Variants in CECR2 observed in about 807,000 individuals in gnomAD.
CECR2 encodes the protein chromatin remodeling regulator CECR2.
Under a neutral mutation model 154.5 loss-of-function variants are expected in CECR2, and 30 were observed. That is an observed-to-expected ratio of 0.19 (90% confidence interval 0.15 to 0.26). CECR2 has a LOEUF of 0.26. CECR2 is among the 10% of genes least tolerant of loss of function. The pLI is 1.00. For missense variants in CECR2, 1,743 were observed against 1,829.3 expected, an observed-to-expected ratio of 0.95 and a Z score of 0.86; for synonymous variants, 725 against 683.7, an observed-to-expected ratio of 1.06 and a Z score of -0.94.
intron 1 of CECR2, among the ~76,000 whole-genome samples, chr22:17,424,106 A>G (rs1316530689): frequency 6.6e-6 from 1 of 152,130 alleles, no homozygotes; most frequent in Non-Finnish European, 1.5e-5. Flanking sequence ...AGAATATGCT[A>G]AGGAATTAAA....
intron 1 of CECR2, among the ~76,000 whole-genome samples, chr22:17,360,911 C>G (rs892404987): frequency 6.6e-6 from 1 of 152,010 alleles, no homozygotes; most frequent in African/African-American, 2.4e-5. Context: ...GCCTATAATC[C>G]CAGCACTTTG....
At chr22:17,450,478 C>T (rs1440872128) in intron 1 of CECR2, among the ~76,000 whole-genome samples, 3 of 152,112 alleles carry the variant, frequency 2.0e-5, no homozygotes, top group Non-Finnish European at 4.4e-5. Context: ...GCTATATTGG[C>T]CAGGCTGGTT....
At chr22:17,422,027 C>T (rs999855515) in intron 1 of CECR2, among the ~76,000 whole-genome samples, 7 of 142,248 alleles carry the variant, frequency 4.9e-5, no homozygotes, top group Non-Finnish European at 1.0e-4. Context: ...ATTTCACTCC[C>T]CTCGTCTTGC....
At chr22:17,362,631 C>A (rs886100022) in intron 1 of CECR2, among the ~76,000 whole-genome samples, 1 of 151,770 alleles carries the variant, frequency 6.6e-6, no homozygotes, top group South Asian at 2.1e-4. Context: ...TGGCTGGGCT[C>A]GGTGGCTCAC....
chr22:17,406,536 C>T (rs530054507), intron 1 of CECR2, among the ~76,000 whole-genome samples: 3 of 152,124 alleles, frequency 2.0e-5, no homozygotes, highest in Admixed American at 2.0e-4. Flanking sequence ...TCCCCCCACC[C>T]CTCCCTCCAA....
intron 1 of CECR2, among the ~76,000 whole-genome samples, chr22:17,472,724 T>C (rs2053211071): frequency 6.6e-6 from 1 of 152,110 alleles, no homozygotes; most frequent in Non-Finnish European, 1.5e-5. Flanking sequence ...TTAATGAAAA[T>C]TTATACAGGG....
At chr22:17,402,119 G>C (rs1283311744) in intron 1 of CECR2, among the ~76,000 whole-genome samples, 1 of 152,098 alleles carries the variant, frequency 6.6e-6, no homozygotes, top group Non-Finnish European at 1.5e-5. Context: ...GAGTAGCTGG[G>C]ATTACAGGTG....
intron 8 of CECR2, among the ~76,000 whole-genome samples, chr22:17,519,867 T>C (rs1203253402): frequency 6.6e-6 from 1 of 151,378 alleles, no homozygotes; most frequent in East Asian, 2.0e-4. Flanking sequence ...CTTGGTTCAC[T>C]GCAACCTCCG....
intron 2 of CECR2, among the ~76,000 whole-genome samples, chr22:17,491,330 G>T (rs1352540778): frequency 6.6e-6 from 1 of 152,040 alleles, no homozygotes; most frequent in Admixed American, 6.6e-5. Flanking sequence ...TGAGGATTCC[G>T]TGTCTCTGCA....
intron 1 of CECR2, among the ~76,000 whole-genome samples, chr22:17,402,945 C>T (rs983610028): frequency 4.6e-5 from 7 of 151,924 alleles, no homozygotes; most frequent in African/African-American, 1.2e-4. Context: ...TTAGTAGAGA[C>T]GGGGTTTCTC....
chr22:17,461,307 G>GA (rs2054934196), intron 1 of CECR2, among the ~76,000 whole-genome samples: 1 of 152,108 alleles, frequency 6.6e-6, no homozygotes, highest in Non-Finnish European at 1.5e-5. Context: ...AAACAATGGT[G>GA]ATTTTTTTTA....
rs201219151 is a variant in CECR2 at position 17,407,594 on chromosome 22, C to CA, written c.126+37697dup. On this transcript the variant is annotated intron_variant, in intron 1 of 18. Transcript: ENST00000262608. ...TGGGCAATAGAGTGAGACTCTGTCT[C>CA]AAAAAAAAAAAAGCCATGAATTAGA... Among the ~76,000 whole-genome samples the CA allele has an allele frequency of 0.012, 1,596 of 127,964 alleles. 61 individuals are homozygous for CA. In the East Asian group the frequency reaches 0.15, roughly 12 times the overall value. 83.9% of individuals were successfully genotyped at this position (127,964 alleles called of 152,430 possible).
At chr22:17,439,636 A>G (rs2054555032) in intron 1 of CECR2, among the ~76,000 whole-genome samples, 1 of 152,228 alleles carries the variant, frequency 6.6e-6, no homozygotes, top group South Asian at 2.1e-4. Flanking sequence ...ACTAACAAAA[A>G]AATTAGACTG....
intron 9 of CECR2, among the ~76,000 whole-genome samples, chr22:17,525,569 G>T (rs2056250444): frequency 6.6e-6 from 1 of 152,116 alleles, no homozygotes; most frequent in Non-Finnish European, 1.5e-5. Flanking sequence ...TCGTGCTACT[G>T]CACTCCAGCC....
At position 17,425,389 on chromosome 22, in the gene CECR2, T is replaced by C. The variant is rs2054314953; in HGVS notation, c.127-52199T>C. On this transcript the variant is annotated intron_variant, in intron 1 of 18. Transcript: ENST00000262608. The stretch of plus-strand genomic sequence containing the variant: ...ACCTATTTGGTCCTGGTTTTTCTTG[T>C]GCTTTGTAATTCTTACTTTCAATAC... Among the ~76,000 whole-genome samples the C allele has an allele frequency of 7.2e-5, 11 of 152,330 alleles. No individual in the cohort carries two copies. The South Asian group carries it at 2.3e-3, about 32-fold the overall frequency.
chr22:17,484,084 T>C (rs1004314391), intron 2 of CECR2, among the ~76,000 whole-genome samples: 1 of 152,234 alleles, frequency 6.6e-6, no homozygotes, highest in Non-Finnish European at 1.5e-5. Flanking sequence ...TGTAGTAGGC[T>C]CTACCATCTA....
chr22:17,366,228 C>A (rs1352267825), upstream of CECR2, among the ~76,000 whole-genome samples: 4 of 152,096 alleles, frequency 2.6e-5, no homozygotes, highest in Non-Finnish European at 5.9e-5. Context: ...CTCACTCTGT[C>A]GCTAGGCTGG....
At chr22:17,449,750 A>G (rs961430675) in intron 1 of CECR2, among the ~76,000 whole-genome samples, 3 of 152,236 alleles carry the variant, frequency 2.0e-5, no homozygotes, top group East Asian at 3.9e-4. Context: ...CGGCCTCCCA[A>G]AGTGCTGGGA....
chr22:17,369,070 C>A (rs1408285276), upstream of CECR2, among the ~76,000 whole-genome samples: 3 of 152,194 alleles, frequency 2.0e-5, no homozygotes, highest in South Asian at 2.1e-4. Flanking sequence ...AATAACTGAA[C>A]TCCCACACGT....
Sources: allele counts gnomAD v4.1 joint callset (sites outside exome capture counted in the v4.1 genomes callset), GRCh38; gene constraint gnomAD v4.1.1; transcripts MANE v1.5; gene names NCBI Gene and HGNC (gene_info 2026-07-23, HGNC 2026-07-21).